The following ITGA5 variants were observed in gnomAD, a reference collection of about 807,000 sequenced individuals.
The protein encoded by ITGA5 is integrin subunit alpha 5.
A neutral mutation model predicts 146.3 loss-of-function variants in ITGA5; 55 were observed. The ratio of observed to expected loss-of-function variants is 0.38; its 90% CI spans 0.30 to 0.47. The LOEUF (loss-of-function observed/expected upper bound fraction) is 0.47, where lower values mean the gene tolerates loss of function less well. ITGA5 is among the 20% of genes least tolerant of loss of function. The probability of loss-of-function intolerance (pLI) is 0.99; values close to 1 mark genes in which losing one functional copy is unlikely to be tolerated. For synonymous variants in ITGA5, 500 were observed against 531.8 expected (o/e 0.94, Z 0.82); for missense variants, 1,131 against 1,329.0 (o/e 0.85, Z 2.32).
chr12:54,403,123 G>T lies in ITGA5; in HGVS notation c.1914+64C>A, dbSNP rs1201736099. ...GGCTGTAGGCTCTTCTCTTTCCATG[G>T]CCCTGCCCCCCCAATACCCAGGCCT... On this transcript the variant is annotated intron_variant, in intron 18 of 29. Transcript: ENST00000293379. The surrounding 1 kb of genome is among the most constrained non-coding windows in gnomAD (Gnocchi z 4.9). The T allele has an allele frequency of 4.4e-6, 7 of 1,601,880 alleles. No homozygotes were observed.
chr12:54,403,501 C>T lies in ITGA5; in HGVS notation c.1776+124G>A, dbSNP rs1352704600. 6.1e-6 allele frequency: 8 copies of T among 1,304,706 alleles called. No homozygotes were observed. In the Admixed American group the frequency reaches 9.4e-5, roughly 15 times the overall value. The allele number at this position is 1,304,706 out of a possible 1,614,324, so 80.8% of individuals were successfully genotyped here. A position where few individuals can be genotyped will look rare whatever the true frequency, so the allele number is the denominator to read the frequency against. Reference sequence around the variant, plus strand: ...CCTCTGACAGAAGGTCTCCCTTTCTCAGCCCCTACAAGAGTCCCAAGCCCT... The same window carrying T: ...CCTCTGACAGAAGGTCTCCCTTTCTTAGCCCCTACAAGAGTCCCAAGCCCT... On this transcript the variant is annotated intron_variant, in intron 17 of 29. Transcript: ENST00000293379. This position sits in a 1 kb window ranked among gnomAD's most constrained non-coding sequence, Gnocchi z 4.9.
intron 25 of ITGA5, chr12:54,400,632 A>C: frequency 1.9e-6 from 1 of 522,350 alleles, no homozygotes; most frequent in Non-Finnish European, 3.4e-6. Flanking sequence ...GCCGGGAAAC[A>C]AAGAAGGGAT....
chr12:54,401,855 G>C lies in ITGA5; in HGVS notation c.2227C>G (p.Leu743Val), dbSNP rs766148350. ...LGNPMKAGAS[L>V]WGGLRFTVPH... ...ACTGTAAACCGAAGGCCACCCCACAGCTGGGGACAGAAAAAGAGGAAAAGA... is the reference window on the plus strand; with the variant it reads ...ACTGTAAACCGAAGGCCACCCCACACCTGGGGACAGAAAAAGAGGAAAAGA... Residue 743 changes from leucine (L) to valine (V), a missense_variant and splice_region_variant, in exon 22 of 30, where the codon CTG becomes GTG. Transcript: ENST00000293379. The surrounding 1 kb of genome is among the most constrained non-coding windows in gnomAD (Gnocchi z 5.0). 6.2e-7 allele frequency: 1 copy of C among 1,613,964 alleles called. No individual in the cohort carries two copies.
intron 1 of ITGA5, among the ~76,000 whole-genome samples, chr12:54,414,032 A>G (rs1312399970): frequency 1.3e-5 from 2 of 152,250 alleles, no homozygotes; most frequent in Non-Finnish European, 2.9e-5. Context: ...CAAAGCTTGT[A>G]AAGCCCACAA....
At chr12:54,413,580 C>T (rs1419224780) in intron 1 of ITGA5, among the ~76,000 whole-genome samples, 1 of 152,198 alleles carries the variant, frequency 6.6e-6, no homozygotes, top group Non-Finnish European at 1.5e-5. Context: ...CTCACTTAGG[C>T]ATGACATCCA....
At chr12:54,410,611 C>A (rs555381947) in intron 2 of ITGA5, among the ~76,000 whole-genome samples, 17 of 151,178 alleles carry the variant, frequency 1.1e-4, no homozygotes, top group African/African-American at 3.9e-4. Flanking sequence ...GGCAGTGGGG[C>A]AAGTAGCACT....
Position 54,407,846 on chromosome 12 carries a change from C to T in ITGA5, c.848G>A (p.Gly283Asp), listed in dbSNP as rs753824600. 1 of 1,596,002 alleles carries T rather than the reference C, an allele frequency of 6.3e-7. No individual in the cohort carries two copies. The highest frequency in any genetic ancestry group is 8.5e-7 in the Non-Finnish European group (1 of 1,170,120). The part of the protein sequence containing the change: ...GYSVAVGEFS[G>D]DDTEDFVAGV... ...GACACACTCACCTTCTGTGTCATCA[C>T]CACTGAATTCACCAACAGCCACAGA... is the stretch of plus-strand genomic sequence containing the variant. The change falls in exon 8 of 30, where the codon GGT becomes GAT. Residue 283 changes from glycine to aspartate, a missense_variant. Physicochemically the swap from Gly to Asp is moderately conservative, Grantham distance 94. This residue lies in a region of ITGA5 where 889 missense variants were observed against 1,021.5 expected (regional missense o/e 0.87). Transcript: ENST00000293379.
In ITGA5 at chr12:54,409,190, T is replaced by C. The variant is rs1955908080; in HGVS notation, c.583+42A>G. ...AAGTATGTGAGACACTTCAAGTATA[T>C]GAGAAGGCAGACATGGGGCACAGGC... On this transcript the variant is annotated intron_variant, in intron 4 of 29. Transcript: ENST00000293379. The surrounding 1 kb of genome is among the most constrained non-coding windows in gnomAD (Gnocchi z 4.7). 6.3e-7 allele frequency: 1 copy of C among 1,586,996 alleles called. No homozygotes were observed. Among genetic ancestry groups the C allele is most frequent in the Non-Finnish European group, 8.6e-7 (1 of 1,168,950 alleles).
intron 9 of ITGA5, chr12:54,407,423 A>G (rs1955881177): frequency 1.7e-6 from 1 of 584,052 alleles, no homozygotes; most frequent in East Asian, 2.8e-5. Context: ...AACGATTGTT[A>G]TCCCAGTATA....
rs1955883335 is a variant in ITGA5, at chr12:54,407,636, G to C, written c.906+13C>G. The C allele has an allele frequency of 6.2e-7, 1 of 1,609,338 alleles. No individual in the cohort carries two copies. Among genetic ancestry groups the C allele is most frequent in the Non-Finnish European group, 8.5e-7 (1 of 1,175,612 alleles). ...GGGGAGGAGAGGAAGTGAGGGGTCA[G>C]GCTGGGTCTTACATAGCCGTAAGTG... On this transcript the variant is annotated intron_variant, in intron 9 of 29. Transcript: ENST00000293379.
chr12:54,406,251 C>A, intron 9 of ITGA5: 1 of 424,464 alleles, frequency 2.4e-6, no homozygotes, highest in East Asian at 4.3e-5. Flanking sequence ...CTCCTCAGAA[C>A]CTAAAGTCAT....
Position 54,402,317 on chromosome 12 carries a change from C to T in ITGA5, c.1996G>A (p.Val666Met). 1.2e-6 allele frequency: 2 copies of T among 1,613,368 alleles called. No individual in the cohort carries two copies. The highest frequency in any genetic ancestry group is 1.7e-6 in the Non-Finnish European group (2 of 1,179,570). Residue 666 changes from valine to methionine, a missense_variant, in exon 20 of 30, where the codon GTG becomes ATG. Val to Met is a conservative substitution (Grantham distance 21). This residue lies in a region of ITGA5 where 889 missense variants were observed against 1,021.5 expected (regional missense o/e 0.87). Coordinates refer to ENST00000293379, the MANE Select transcript of ITGA5 (RefSeq NM_002205.5). Reference protein sequence around the residue: ...QLEVFGEQNHVYLGDKNALNL... With the variant: ...QLEVFGEQNHMYLGDKNALNL... Reference sequence around the variant, plus strand: ...AGGGCATTCTTGTCACCCAGGTACACATGGTTCTGCTCCCTGGAAGGGACA... The same window carrying T: ...AGGGCATTCTTGTCACCCAGGTACATATGGTTCTGCTCCCTGGAAGGGACA...
chr12:54,403,529 A>T lies in ITGA5; in HGVS notation c.1776+96T>A. ...CCCCTACAAGAGTCCCAAGCCCTTC[A>T]CTGGAGTCCCCCAGTCTTTTTCCCT... On this transcript the variant is annotated intron_variant, in intron 17 of 29. Coordinates refer to ENST00000293379, the MANE Select transcript of ITGA5 (RefSeq NM_002205.5). The surrounding 1 kb of genome is among the most constrained non-coding windows in gnomAD (Gnocchi z 4.9). 1 of 1,426,044 alleles carries T rather than the reference A, an allele frequency of 7.0e-7. No individual in the cohort carries two copies. The highest frequency in any genetic ancestry group is 9.5e-7 in the Non-Finnish European group (1 of 1,052,980). 88.3% of individuals were successfully genotyped at this position (1,426,044 alleles called of 1,614,324 possible).
rs1429871305 is a variant in ITGA5, at chr12:54,419,209, C to T, written c.-11G>A. The T allele has an allele frequency of 2.6e-6, 4 of 1,551,756 alleles. No individual in the cohort carries two copies. Among genetic ancestry groups the T allele is most frequent in the Non-Finnish European group, 3.5e-6 (4 of 1,149,038 alleles). On this transcript the variant is annotated 5_prime_UTR_variant, in exon 1 of 30. Transcript: ENST00000293379. ...CGTCCGGCTCCCCATAGCGCCCGCTCTTCCCTGTCCTGGGGCCACCGACCC... is the reference window on the plus strand; with the variant it reads ...CGTCCGGCTCCCCATAGCGCCCGCTTTTCCCTGTCCTGGGGCCACCGACCC...
chr12:54,418,041 T>C (rs1956028404), intron 1 of ITGA5, among the ~76,000 whole-genome samples: 1 of 152,188 alleles, frequency 6.6e-6, no homozygotes, highest in African/African-American at 2.4e-5. Context: ...TCCAGGGTCC[T>C]GAGTCCTTCA....
chr12:54,403,781 T>C lies in ITGA5; in HGVS notation c.1622-2A>G. 6.2e-7 allele frequency: 1 copy of C among 1,613,862 alleles called. No homozygotes were observed. On this transcript the variant is annotated splice_acceptor_variant, in intron 16 of 29. Coordinates refer to ENST00000293379, the MANE Select transcript of ITGA5 (RefSeq NM_002205.5). LOFTEE classifies it high-confidence loss of function. The surrounding 1 kb of genome is among the most constrained non-coding windows in gnomAD (Gnocchi z 4.9). ...CCAGCTGAAGTTCCACTGTGAAACC[T>C]GAAGCCAGGGACATATAAAGGGAAA...
Position 54,401,780 on chromosome 12 carries a change from G to C in ITGA5, c.2302C>G (p.Leu768Val). 1 of 1,614,112 alleles carries C rather than the reference G, an allele frequency of 6.2e-7. No homozygotes were observed. Among genetic ancestry groups the C allele is most frequent in the Non-Finnish European group, 8.5e-7 (1 of 1,179,970 alleles). Residue 768 changes from leucine to valine, a missense_variant, in exon 22 of 30, where the codon CTC becomes GTC. Leu to Val is a conservative substitution (Grantham distance 32, BLOSUM62 1). Coordinates refer to ENST00000293379, the MANE Select transcript of ITGA5 (RefSeq NM_002205.5). This position sits in a 1 kb window ranked among gnomAD's most constrained non-coding sequence, Gnocchi z 5.0. Reference sequence around the variant, plus strand: ...CTAGACACACTCACTCCCTACCTGAGGATCTGGAAGTCAAACTGGATGGTT... The same window carrying C: ...CTAGACACACTCACTCCCTACCTGACGATCTGGAAGTCAAACTGGATGGTT... ...KKTIQFDFQILSKNLNNSQSD... is the reference protein window; with the variant it reads ...KKTIQFDFQIVSKNLNNSQSD...
chr12:54,418,156 C>A (rs2120589972), intron 1 of ITGA5, among the ~76,000 whole-genome samples: 1 of 152,190 alleles, frequency 6.6e-6, no homozygotes, highest in African/African-American at 2.4e-5. Flanking sequence ...TACAGGAAAC[C>A]AGCTTTTCTC....
chr12:54,404,833 A>G lies in ITGA5; in HGVS notation c.1287T>C (p.Pro429=). 6.2e-7 allele frequency: 1 copy of G among 1,611,730 alleles called. No individual in the cohort carries two copies. Among genetic ancestry groups the G allele is most frequent in the Non-Finnish European group, 8.5e-7 (1 of 1,179,152 alleles). The part of the protein sequence containing the change: ...ETQQGVVFVF[P]GGPGGLGSKP... ...TAGAGCCCAGCCCTCCTGGGCCCCC[A>G]GGAAATACAAACACTACTCCCTGCT... Residue 429 remains proline (P), a synonymous_variant, in exon 13 of 30, where the codon CCT becomes CCC. Coordinates refer to ENST00000293379, the MANE Select transcript of ITGA5 (RefSeq NM_002205.5).
Sources: allele counts gnomAD v4.1 joint callset (sites outside exome capture counted in the v4.1 genomes callset), GRCh38; gene constraint gnomAD v4.1.1; regional missense constraint gnomAD v4.1.1; non-coding constraint Gnocchi (gnomAD v3.1); transcripts MANE v1.5; gene names NCBI Gene and HGNC (gene_info 2026-07-23, HGNC 2026-07-21).